FLCN: variants seen among roughly 807,000 people sequenced by gnomAD.
The protein encoded by FLCN is BHD skin lesion fibrofolliculoma protein.
FLCN carries 22 observed loss-of-function variants against 62.5 expected under a neutral mutation model. The observed-to-expected ratio is 0.35, with a 90% CI of 0.25 to 0.50. The LOEUF (loss-of-function observed/expected upper bound fraction) is 0.50, where lower values mean the gene tolerates loss of function less well. FLCN is among the 20% of genes least tolerant of loss of function. The pLI is 0.97. For synonymous variants in FLCN, 319 were observed against 310.0 expected, an observed-to-expected ratio of 1.03 and a Z score of -0.30; for missense variants, 657 against 778.0, an observed-to-expected ratio of 0.84 and a Z score of 1.85.
chr17:17,228,371 T>G, intron 3 of FLCN: 2 of 572,162 alleles, frequency 3.5e-6, no homozygotes, highest in Non-Finnish European at 6.2e-6. Flanking sequence ...TCACAGCAAA[T>G]AGGGGAGGGG....
chr17:17,221,082 G>T, intron 8 of FLCN: 1 of 1,160,644 alleles, frequency 8.6e-7, no homozygotes, highest in Non-Finnish European at 1.1e-6. Flanking sequence ...CAAACACAGG[G>T]CCCCAAGCCC....
intron 1 of FLCN, among the ~76,000 whole-genome samples, chr17:17,234,860 C>G (rs2047533945): frequency 6.6e-6 from 1 of 151,892 alleles, no homozygotes. Context: ...GCCTGTAATC[C>G]CAGCACTTTG....
intron 13 of FLCN, among the ~76,000 whole-genome samples, chr17:17,214,557 G>A (rs2046851049): frequency 1.3e-5 from 2 of 151,990 alleles, no homozygotes; most frequent in Admixed American, 1.3e-4. Context: ...TCATGCCATT[G>A]CACTCCAGCC....
chr17:17,227,879 A>G lies in FLCN; in HGVS notation c.249+10T>C. ...AGGGATCACAAAACCAAGACCCCAAAGACACTTGCCTCGCACATGTCCGAC... is the reference window on the plus strand; with the variant it reads ...AGGGATCACAAAACCAAGACCCCAAGGACACTTGCCTCGCACATGTCCGAC... On this transcript the variant is annotated intron_variant, in intron 4 of 13. Coordinates refer to ENST00000285071, the MANE Select transcript of FLCN (RefSeq NM_144997.7). 2 of 1,614,098 alleles carry G rather than the reference A, an allele frequency of 1.2e-6. No individual in the cohort carries two copies. Among genetic ancestry groups the G allele is most frequent in the Non-Finnish European group, 1.7e-6 (2 of 1,180,024 alleles).
chr17:17,226,135 T>TGGGCTCCCACAGAGAC, intron 5 of FLCN, 41 bp downstream of exon 5: 1 of 1,613,526 alleles, frequency 6.2e-7, no homozygotes, highest in Non-Finnish European at 8.5e-7. Flanking sequence ...TGGGAGCATG[T>TGGGCTCCCACAGAGAC]GGGCTCCCAC....
rs758953967 is a variant in FLCN at position 17,221,531 on chromosome 17, C to A, written c.871+6G>T. On this transcript the variant is annotated splice_donor_region_variant and intron_variant, in intron 8 of 13. Transcript: ENST00000285071. ...CAAGGCCCCGGCAACAGCACCCCTG[C>A]CTCACCAGCGAGCTTCTCCATCTGG... 6.2e-7 allele frequency: 1 copy of A among 1,613,608 alleles called. No homozygotes were observed. Among genetic ancestry groups the A allele is most frequent in the South Asian group, 1.1e-5 (1 of 91,090 alleles).
At chr17:17,234,202 TG>T (rs2047509999) in intron 1 of FLCN, among the ~76,000 whole-genome samples, 3 of 147,930 alleles carry the variant, frequency 2.0e-5, no homozygotes, top group South Asian at 2.1e-4. Context: ...TACACTGTTT[TG>T]TTTTTTTTTG....
intron 3 of FLCN, among the ~76,000 whole-genome samples, chr17:17,230,413 C>T (rs1435285112): frequency 6.6e-6 from 1 of 152,002 alleles, no homozygotes; most frequent in Non-Finnish European, 1.5e-5. Flanking sequence ...CGCTGGTAGT[C>T]CCAGCTACTC....
chr17:17,227,559 C>G (rs1243611520), intron 4 of FLCN, among the ~76,000 whole-genome samples: 2 of 152,052 alleles, frequency 1.3e-5, no homozygotes, highest in Non-Finnish European at 1.5e-5. Context: ...ACTAAAAATA[C>G]AAAATTAGCC....
rs189094316 is a variant in FLCN, at chr17:17,216,008, G to C, written c.1300+372C>G. On this transcript the variant is annotated intron_variant, in intron 11 of 13. Coordinates refer to ENST00000285071, the MANE Select transcript of FLCN (RefSeq NM_144997.7). The surrounding 1 kb of genome is among the most constrained non-coding windows in gnomAD (Gnocchi z 4.0). ...AAGTCAGGACAGGGGAACAGTAGAA[G>C]AGTGAGGAGAGGATGGCAGGGCCCA... Among the ~76,000 whole-genome samples, 1 of 152,214 alleles carries C rather than the reference G, an allele frequency of 6.6e-6. No homozygotes were observed. The highest frequency in any genetic ancestry group is 2.4e-5 in the African/African-American group (1 of 41,446).
intron 3 of FLCN, among the ~76,000 whole-genome samples, chr17:17,230,566 A>C (rs1320714927): frequency 6.6e-6 from 1 of 151,488 alleles, no homozygotes; most frequent in Non-Finnish European, 1.5e-5. Flanking sequence ...AAACAAAATA[A>C]AACAAAAACC....
intron 8 of FLCN, among the ~76,000 whole-genome samples, chr17:17,219,414 C>T (rs1004974890): frequency 6.6e-6 from 1 of 152,100 alleles, no homozygotes; most frequent in African/African-American, 2.4e-5. Context: ...TACCACACAT[C>T]TCTCTTAGAA....
At chr17:17,233,316 G>T (rs1018197021) in intron 1 of FLCN, among the ~76,000 whole-genome samples, 2 of 152,006 alleles carry the variant, frequency 1.3e-5, no homozygotes, top group African/African-American at 4.8e-5. Flanking sequence ...AAATTAGCCA[G>T]GCCGGGCGCG....
intron 1 of FLCN, among the ~76,000 whole-genome samples, chr17:17,233,716 CTTTT>C (rs34208211): frequency 5.3e-4 from 34 of 63,956 alleles, no homozygotes; most frequent in East Asian, 2.8e-3. Flanking sequence ...CCCATCTTTC[CTTTT>C]TTTTTTTTTT....
rs748124848 is a variant in FLCN, at chr17:17,221,514, C to T, written c.871+23G>A. 21 of 1,613,666 alleles carry T rather than the reference C, an allele frequency of 1.3e-5. No individual in the cohort carries two copies. The East Asian group carries it at 3.6e-4, about 27-fold the overall frequency. On this transcript the variant is annotated intron_variant, in intron 8 of 13. Transcript: ENST00000285071. ...CCCACGGCCATCCGGGCCAAGGCCC[C>T]GGCAACAGCACCCCTGCCTCACCAG...
chr17:17,226,910 T>C (rs1443751885), intron 4 of FLCN, among the ~76,000 whole-genome samples: 1 of 152,164 alleles, frequency 6.6e-6, no homozygotes, highest in Non-Finnish European at 1.5e-5. Context: ...GCCCTGGAGC[T>C]GCTCCTACCC....
chr17:17,215,380 C>T (rs571974825), intron 11 of FLCN, 64 bp from the exon 12 acceptor site: 149 of 1,610,018 alleles, frequency 9.3e-5, no homozygotes, highest in Non-Finnish European at 1.2e-4. Context: ...CCTGCGCTAG[C>T]CCACCGTGGG....
At chr17:17,233,318 C>T (rs2047476111) in intron 1 of FLCN, among the ~76,000 whole-genome samples, 1 of 152,012 alleles carries the variant, frequency 6.6e-6, no homozygotes, top group Non-Finnish European at 1.5e-5. Flanking sequence ...ATTAGCCAGG[C>T]CGGGCGCGGT....
At chr17:17,217,817 C>T (rs2144878763) in intron 9 of FLCN, 1 of 161,490 alleles carries the variant, frequency 6.2e-6, no homozygotes. Context: ...CCTGCTGTCT[C>T]ACGGCTTCTA....
Sources: allele counts gnomAD v4.1 joint callset (sites outside exome capture counted in the v4.1 genomes callset), GRCh38; gene constraint gnomAD v4.1.1; non-coding constraint Gnocchi (gnomAD v3.1); transcripts MANE v1.5; gene names NCBI Gene and HGNC (gene_info 2026-07-23, HGNC 2026-07-21).